Variants in PDXDC1 observed in about 807,000 individuals in gnomAD.
PDXDC1 encodes pyridoxal dependent decarboxylase domain containing 1.
PDXDC1 carries 42 observed loss-of-function variants against 100.1 expected under a neutral mutation model. That is an observed-to-expected ratio of 0.42 (90% CI 0.33 to 0.54). PDXDC1 has a LOEUF of 0.54. PDXDC1 is among the 20% of genes least tolerant of loss of function. PDXDC1 has a pLI of 0.10. For missense variants in PDXDC1, 636 were observed against 979.2 expected (o/e 0.65, Z 4.68); for synonymous variants, 260 against 371.7 (o/e 0.70, Z 3.46).
At chr16:15,151,950 AAAAC>A in the PDXDC1 span, among the ~76,000 whole-genome samples, 1 of 142,340 alleles carries the variant, frequency 7.0e-6, no homozygotes, top group South Asian at 2.2e-4. Context: ...AAAAAAAAAA[AAAAC>A]ACATGGGTCA....
At chr16:15,128,198 G>A (rs2047854164) in intron 16 of PDXDC1, 1 of 1,610,812 alleles carries the variant, frequency 6.2e-7, no homozygotes, top group Admixed American at 1.7e-5. Flanking sequence ...CAGAGGGGCA[G>A]AGCTTGGCAG....
chr16:15,031,054 C>G lies in PDXDC1; in HGVS notation c.1400-681C>G, dbSNP rs566892328. The stretch of plus-strand genomic sequence containing the variant: ...GCAACCTCGACCTCCTGGGCTCAAG[C>G]AATCCCCTGCCTCAGCCTCCCAAGG... On this transcript the variant is annotated intron_variant, in intron 16 of 22. Transcript: ENST00000396410. 2.0e-4 allele frequency among the ~76,000 whole-genome samples: 31 copies of G among 151,370 alleles called. No homozygotes were observed. The South Asian group carries it at 6.5e-3, about 32-fold the overall frequency.
At chr16:14,978,966 TC>T (rs1183511737) in intron 1 of PDXDC1, among the ~76,000 whole-genome samples, 1 of 152,284 alleles carries the variant, frequency 6.6e-6, no homozygotes, top group African/African-American at 2.4e-5. Context: ...CTAGTCGCAC[TC>T]CCTACACCCA....
chr16:15,021,169 G>C lies in PDXDC1; in HGVS notation c.1090-1535G>C, dbSNP rs528764392. 9.5e-4 allele frequency among the ~76,000 whole-genome samples: 144 copies of C among 152,370 alleles called. 1 individual carries two copies. Among genetic ancestry groups the C allele is most frequent in the Admixed American group, 7.3e-3 (111 of 15,304 alleles). ...AGGCAGGTGGATCACTTAAACCTCA[G>C]AGTTCAACACCAGCCTGGGCAATGT... On this transcript the variant is annotated intron_variant, in intron 12 of 22. Coordinates refer to ENST00000396410, the MANE Select transcript of PDXDC1 (RefSeq NM_015027.4).
chr16:15,061,471 A>G (rs573549874), intron 16 of PDXDC1: 1 of 378,990 alleles, frequency 2.6e-6, no homozygotes, highest in East Asian at 3.8e-5. Context: ...AAAAATGTAC[A>G]TATTAAACAA....
downstream of PDXDC1, chr16:15,038,695 A>G (rs765105087): frequency 6.8e-7 from 1 of 1,460,040 alleles, no homozygotes; most frequent in East Asian, 2.3e-5. Context: ...CATCTAAAAA[A>G]GAACGTGTCA....
intron 1 of PDXDC1, among the ~76,000 whole-genome samples, chr16:14,983,794 A>G (rs1294629089): frequency 1.3e-5 from 2 of 152,274 alleles, no homozygotes; most frequent in Non-Finnish European, 2.9e-5. Flanking sequence ...TACTTACAAC[A>G]AATAGACCCA....
Position 15,085,754 on chromosome 16 carries a change from C to G in PDXDC1, c.1400-53125C>G, listed in dbSNP as rs369258444. On this transcript the variant is annotated intron_variant, in intron 16 of 16. Transcript: ENST00000535621. Reference sequence around the variant, plus strand: ...TGTCATTGATCTAGACAATGAATGGCTATACAAAAAAAGTTACTGACCTAG... The same window carrying G: ...TGTCATTGATCTAGACAATGAATGGGTATACAAAAAAAGTTACTGACCTAG... 1.6e-4 allele frequency: 256 copies of G among 1,604,000 alleles called. 2 individuals carry two copies. The East Asian group carries it at 5.0e-3, about 32-fold the overall frequency.
downstream of PDXDC1, chr16:15,041,625 G>A (rs1320099087): frequency 6.2e-7 from 1 of 1,608,642 alleles, no homozygotes; most frequent in South Asian, 1.1e-5. Context: ...GGACTTACCT[G>A]TCACACATAA....
Position 15,111,231 on chromosome 16 carries a change from C to T in PDXDC1, c.1400-27648C>T, listed in dbSNP as rs1433579582. 2.4e-4 allele frequency among the ~76,000 whole-genome samples: 35 copies of T among 145,744 alleles called. 3 individuals are homozygous for T. Among genetic ancestry groups the T allele is most frequent in the Non-Finnish European group, 4.0e-4 (26 of 65,592 alleles). On this transcript the variant is annotated intron_variant, in intron 16 of 16. Coordinates refer to the PDXDC1 transcript ENST00000535621. ...CAGCACTTTGGGAGGCCGAGGCAGG[C>T]GGATCACCTGAGGTCGGGAGTTTGA...
At chr16:15,035,681 A>G in intron 22 of PDXDC1, 128 bp downstream of exon 22, 1 of 606,598 alleles carries the variant, frequency 1.6e-6, no homozygotes, top group East Asian at 2.9e-5. Flanking sequence ...CCATCTCTTT[A>G]ACCATCTTGG....
chr16:15,074,398 A>G (rs1164398435), intron 16 of PDXDC1, among the ~76,000 whole-genome samples: 2 of 152,220 alleles, frequency 1.3e-5, no homozygotes, highest in Non-Finnish European at 1.5e-5. Flanking sequence ...GGAGCACCAT[A>G]TATTAGTGCA....
At chr16:15,105,227 T>C (rs2046754418) in intron 16 of PDXDC1, among the ~76,000 whole-genome samples, 1 of 126,734 alleles carries the variant, frequency 7.9e-6, no homozygotes, top group Non-Finnish European at 1.7e-5. Context: ...GAGAATGTTT[T>C]CCAGGCCCTT....
At chr16:15,095,878 G>A (rs2151837747) in intron 16 of PDXDC1, among the ~76,000 whole-genome samples, 1 of 150,116 alleles carries the variant, frequency 6.7e-6, no homozygotes, top group South Asian at 2.1e-4. Flanking sequence ...GTGTGTGTGT[G>A]TGTGTGTGTG....
rs546858305 is a variant in PDXDC1, at chr16:15,111,096, C to T, written c.1400-27783C>T. Among the ~76,000 whole-genome samples, 36 of 145,732 alleles carry T rather than the reference C, an allele frequency of 2.5e-4. 2 individuals are homozygous for T. Among genetic ancestry groups the T allele is most frequent in the Non-Finnish European group, 4.1e-4 (27 of 65,342 alleles). ...TGAGCGGAGATCACACCACTGCACT[C>T]CAGCCTGAGCGACAGAATGAGACTC... is the stretch of plus-strand genomic sequence containing the variant. On this transcript the variant is annotated intron_variant, in intron 16 of 16. Coordinates refer to the PDXDC1 transcript ENST00000535621.
rs1246568287 is a variant in PDXDC1 at position 15,028,972 on chromosome 16, A to G, written c.1293+6A>G. On this transcript the variant is annotated splice_donor_region_variant and intron_variant, in intron 15 of 22. Coordinates refer to ENST00000396410, the MANE Select transcript of PDXDC1 (RefSeq NM_015027.4). ...GTGACGCGCTGAATCGCTGGGTGAG[A>G]ATGGCAGTCACCCCCCTTTCCTTTC... 6.2e-7 allele frequency: 1 copy of G among 1,611,244 alleles called. No homozygotes were observed. The highest frequency in any genetic ancestry group is 1.3e-5 in the African/African-American group (1 of 74,932).
intron 16 of PDXDC1, among the ~76,000 whole-genome samples, chr16:15,050,565 CTACAAAAAT>C (rs1314572366): frequency 6.6e-6 from 1 of 151,994 alleles, no homozygotes; most frequent in African/African-American, 2.4e-5. Context: ...GATCCTGTCT[CTACAAAAAT>C]TACAAAAATT....
At chr16:15,141,290 C>T (rs1321446488), downstream of PDXDC1, among the ~76,000 whole-genome samples, 3 of 152,224 alleles carry the variant, frequency 2.0e-5, no homozygotes, top group Non-Finnish European at 2.9e-5. Flanking sequence ...GAAAAGGGAA[C>T]CAACAAAGAA....
intron 16 of PDXDC1, among the ~76,000 whole-genome samples, chr16:15,101,507 G>C (rs924395326): frequency 6.6e-6 from 1 of 151,778 alleles, no homozygotes; most frequent in African/African-American, 2.4e-5. Context: ...GGGGTTAGTA[G>C]AGATTTGTTT....
Sources: allele counts gnomAD v4.1 joint callset (sites outside exome capture counted in the v4.1 genomes callset), GRCh38; gene constraint gnomAD v4.1.1; transcripts MANE v1.5; gene names NCBI Gene and HGNC (gene_info 2026-07-23, HGNC 2026-07-21).